Variants in PDE10A observed in about 807,000 individuals in gnomAD.
PDE10A encodes the protein cAMP and cAMP-inhibited cGMP 3',5'-cyclic phosphodiesterase 10A.
In PDE10A, 39 loss-of-function variants were observed where a neutral mutation model predicts 97.7. The observed-to-expected ratio is 0.40, with a 90% CI of 0.31 to 0.52. PDE10A has a LOEUF of 0.52. Ranked by LOEUF, PDE10A falls within the 20% of genes least tolerant of loss-of-function variation. The pLI, the probability that PDE10A is intolerant of heterozygous loss-of-function variation, is 0.56. For missense variants in PDE10A, 731 were observed against 1,047.8 expected (o/e 0.70, Z 4.17); for synonymous variants, 371 against 376.8 (o/e 0.98, Z 0.18).
intron 1 of PDE10A, among the ~76,000 whole-genome samples, chr6:165,701,417 T>C (rs1413445898): frequency 1.3e-5 from 2 of 152,260 alleles, no homozygotes; most frequent in African/African-American, 2.4e-5. Flanking sequence ...CAGTAGCACA[T>C]GCTTGGACCG....
At chr6:165,469,703 C>T (rs1023527224) in intron 3 of PDE10A, among the ~76,000 whole-genome samples, 5 of 152,100 alleles carry the variant, frequency 3.3e-5, no homozygotes, top group Non-Finnish European at 5.9e-5. Context: ...TCTTATTGGG[C>T]TCTTTGATTT....
chr6:165,818,953 A>G (rs1246933769), intron 1 of PDE10A, among the ~76,000 whole-genome samples: 1 of 152,202 alleles, frequency 6.6e-6, no homozygotes, highest in Non-Finnish European at 1.5e-5. Flanking sequence ...TTGTTTATTT[A>G]TAGGTCTAAA....
chr6:165,568,062 A>C (rs894744088), intron 1 of PDE10A, among the ~76,000 whole-genome samples: 4 of 140,610 alleles, frequency 2.8e-5, no homozygotes, highest in Admixed American at 1.5e-4. Context: ...GCAGTGGCAC[A>C]ATCTTGGCTC....
chr6:165,824,811 T>G (rs1468145045), intron 1 of PDE10A, among the ~76,000 whole-genome samples: 1 of 152,054 alleles, frequency 6.6e-6, no homozygotes, highest in Non-Finnish European at 1.5e-5. Context: ...CTGAATCTTT[T>G]GAACACTGTT....
intron 1 of PDE10A, among the ~76,000 whole-genome samples, chr6:165,945,009 AC>A (rs1010689750): frequency 3.4e-4 from 52 of 152,018 alleles, no homozygotes; most frequent in African/African-American, 1.2e-3. Context: ...GGCCCCTGTG[AC>A]CCCCATCTCC....
intron 1 of PDE10A, among the ~76,000 whole-genome samples, chr6:165,820,225 C>G (rs1779531475): frequency 6.6e-6 from 1 of 152,194 alleles, no homozygotes; most frequent in African/African-American, 2.4e-5. Flanking sequence ...GAATTATTAT[C>G]ACTGATGTAG....
intron 1 of PDE10A, among the ~76,000 whole-genome samples, chr6:165,720,412 C>G (rs888588050): frequency 6.6e-6 from 1 of 152,118 alleles, no homozygotes; most frequent in Non-Finnish European, 1.5e-5. Flanking sequence ...TTGCTGAGAG[C>G]GGAATGGGCT....
rs775208021 is a variant in PDE10A, at chr6:165,857,698, C to CGTGTGTGTGTGT, written c.-615+129819_-615+129830dup. On this transcript the variant is annotated intron_variant, in intron 1 of 19. Coordinates refer to the PDE10A transcript ENST00000366882. ...CTTTGCAATGTGATTTCAACAGTTC[C>CGTGTGTGTGTGT]GTGTGTGTGTGTGTGTGTGTGTGTG... Among the ~76,000 whole-genome samples the CGTGTGTGTGTGT allele has an allele frequency of 1.5e-4, 19 of 123,528 alleles. No homozygotes were observed. The East Asian group carries it at 2.7e-3, about 17-fold the overall frequency. The allele number at this position is 123,528 out of a possible 152,430, so 81.0% of individuals were successfully genotyped here. A position where few individuals can be genotyped will look rare whatever the true frequency, so the allele number is the denominator to read the frequency against.
intron 18 of PDE10A, 74 bp from the exon 19 acceptor site, chr6:165,343,576 A>G: frequency 9.7e-7 from 1 of 1,035,598 alleles, no homozygotes; most frequent in East Asian, 2.4e-5. Flanking sequence ...AGACTTCTGT[A>G]TTTCAGGAGT....
intron 1 of PDE10A, among the ~76,000 whole-genome samples, chr6:165,790,620 T>C (rs1778620781): frequency 6.6e-6 from 1 of 152,104 alleles, no homozygotes; most frequent in South Asian, 2.1e-4. Context: ...GGACGGTTTA[T>C]CAGATGGCTC....
chr6:165,630,791 T>C lies in PDE10A; in HGVS notation c.865+31156A>G, dbSNP rs943423619. 7.9e-5 allele frequency among the ~76,000 whole-genome samples: 12 copies of C among 152,216 alleles called. No homozygotes were observed. In the South Asian group the frequency reaches 1.2e-3, roughly 16 times the overall value. On this transcript the variant is annotated intron_variant, in intron 1 of 21. Transcript: ENST00000539869. ...CAAAAAAAACATGATGATGGCAGCCTGGAAAAAGATCAAAGGTCTAAGCCC... is the reference window on the plus strand; with the variant it reads ...CAAAAAAAACATGATGATGGCAGCCCGGAAAAAGATCAAAGGTCTAAGCCC...
chr6:165,422,600 T>C (rs1333768195), intron 10 of PDE10A, among the ~76,000 whole-genome samples: 1 of 152,214 alleles, frequency 6.6e-6, no homozygotes, highest in African/African-American at 2.4e-5. Flanking sequence ...TAAGCCTAAA[T>C]GTATTTACCA....
intron 1 of PDE10A, among the ~76,000 whole-genome samples, chr6:165,551,298 T>TAA (rs1458230218): frequency 5.3e-5 from 8 of 152,212 alleles, no homozygotes; most frequent in African/African-American, 1.9e-4. Flanking sequence ...TCTCTGTATT[T>TAA]ACCTCTCATG....
chr6:165,468,350 A>G (rs1778787641), intron 3 of PDE10A, among the ~76,000 whole-genome samples: 1 of 151,982 alleles, frequency 6.6e-6, no homozygotes, highest in East Asian at 1.9e-4. Flanking sequence ...AGCCTCCAAA[A>G]GCGCTGGGAT....
At chr6:165,688,481 T>C (rs1791184416) in intron 1 of PDE10A, among the ~76,000 whole-genome samples, 1 of 152,192 alleles carries the variant, frequency 6.6e-6, no homozygotes, top group Non-Finnish European at 1.5e-5. Flanking sequence ...TCCCTGGACT[T>C]GAAGCCAGAG....
intron 1 of PDE10A, among the ~76,000 whole-genome samples, chr6:165,724,435 GC>G (rs903983201): frequency 8.5e-5 from 13 of 152,274 alleles, no homozygotes; most frequent in African/African-American, 2.9e-4. Flanking sequence ...ATTATGATAG[GC>G]CTTCATACAG....
At chr6:165,477,645 C>T (rs772619753) in intron 3 of PDE10A, among the ~76,000 whole-genome samples, 7 of 152,076 alleles carry the variant, frequency 4.6e-5, no homozygotes, top group Non-Finnish European at 5.9e-5. Context: ...CTCAGCATTT[C>T]CTAGATGATA....
intron 1 of PDE10A, among the ~76,000 whole-genome samples, chr6:165,630,889 G>A (rs553120679): frequency 6.2e-4 from 95 of 152,244 alleles, no homozygotes; most frequent in Non-Finnish European, 9.1e-4. Context: ...TGAACAAAAC[G>A]GGCAGCTCCT....
chr6:165,815,801 C>G (rs1359527523), intron 1 of PDE10A, among the ~76,000 whole-genome samples: 1 of 152,068 alleles, frequency 6.6e-6, no homozygotes, highest in Non-Finnish European at 1.5e-5. Context: ...TCCACTAGCC[C>G]ATTCTGGTCC....
Sources: gnomAD v4.1 joint callset for allele counts (sites outside exome capture counted in the v4.1 genomes callset) on GRCh38, gnomAD v4.1.1 for gene constraint, MANE v1.5 for transcripts, NCBI Gene and HGNC (gene_info 2026-07-23, HGNC 2026-07-21) for gene names.